Variants in ZNF280D observed in about 807,000 individuals in gnomAD.
ZNF280D encodes the protein suppressor of hairy wing homolog 4.
In ZNF280D, 39 loss-of-function variants were observed where a neutral mutation model predicts 94.7. The ratio of observed to expected loss-of-function variants is 0.41; its 90% CI spans 0.32 to 0.54. The LOEUF is 0.54. Ranked by LOEUF, ZNF280D falls within the 20% of genes least tolerant of loss-of-function variation. ZNF280D has a pLI of 0.22. For synonymous variants in ZNF280D, 398 were observed against 377.6 expected (o/e 1.05, Z -0.63); for missense variants, 1,090 against 1,149.3 (o/e 0.95, Z 0.75).
chr15:56,667,639 T>C (rs1483703110), intron 14 of ZNF280D, among the ~76,000 whole-genome samples: 1 of 152,214 alleles, frequency 6.6e-6, no homozygotes, highest in African/African-American at 2.4e-5. Context: ...ACCAACATTC[T>C]GGTTAATCAT....
intron 3 of ZNF280D, among the ~76,000 whole-genome samples, chr15:56,706,171 GA>G (rs1256093655): frequency 5.0e-5 from 7 of 139,020 alleles, no homozygotes; most frequent in African/African-American, 1.9e-4. Flanking sequence ...GAGATCACAG[GA>G]AGATGTAAGG....
chr15:56,702,584 C>A (rs1321023572), intron 4 of ZNF280D, among the ~76,000 whole-genome samples: 1 of 152,082 alleles, frequency 6.6e-6, no homozygotes, highest in African/African-American at 2.4e-5. Flanking sequence ...TCTTAACTGT[C>A]ATGTTTTCAA....
At chr15:56,658,570 GTTTCTAGTTTGTAATAAAAGA>G (rs2053702497) in intron 16 of ZNF280D, 84 bp from the exon 17 acceptor site, 1 of 920,294 alleles carries the variant, frequency 1.1e-6, no homozygotes, top group Admixed American at 3.3e-5. Context: ...CCATACTTAA[GTTTCTAGTTTGTAATAAAAGA>G]TTATAATGTA....
chr15:56,693,234 G>GA lies in ZNF280D; in HGVS notation c.382-20dup, dbSNP rs779633974. ...TATAACCCTGTTAAATAGTTCAAAG[G>GA]AAAAATAATACATTTATTCAACAGT... On this transcript the variant is annotated intron_variant, in intron 6 of 21. Coordinates refer to ENST00000267807, the MANE Select transcript of ZNF280D (RefSeq NM_017661.4). The GA allele has an allele frequency of 9.1e-7, 1 of 1,099,678 alleles. No individual in the cohort carries two copies. 68.1% of individuals were successfully genotyped at this position (1,099,678 alleles called of 1,614,324 possible). A position where few individuals can be genotyped will look rare whatever the true frequency, so the allele number is the denominator to read the frequency against.
intron 5 of ZNF280D, 29 bp from the exon 6 acceptor site, chr15:56,701,101 A>G (rs766933831): frequency 6.2e-7 from 1 of 1,612,718 alleles, no homozygotes; most frequent in Non-Finnish European, 8.5e-7. Flanking sequence ...CAATATATGG[A>G]AATTATTTGT....
chr15:56,654,942 A>G, intron 17 of ZNF280D: 1 of 356,822 alleles, frequency 2.8e-6, no homozygotes, highest in Non-Finnish European at 5.8e-6. Flanking sequence ...GGTGAACAAG[A>G]AATAGTACTG....
At chr15:56,715,326 G>C (rs1489831588) in intron 1 of ZNF280D, among the ~76,000 whole-genome samples, 1 of 152,062 alleles carries the variant, frequency 6.6e-6, no homozygotes, top group Non-Finnish European at 1.5e-5. Context: ...CAAACATACA[G>C]TGTATATAAA....
At chr15:56,644,413 T>G (rs1393947621) in intron 19 of ZNF280D, among the ~76,000 whole-genome samples, 1 of 152,012 alleles carries the variant, frequency 6.6e-6, no homozygotes, top group African/African-American at 2.4e-5. Context: ...TAAGAAAACA[T>G]GAAACATTAG....
At chr15:56,680,064 C>G (rs2055516008) in intron 10 of ZNF280D, among the ~76,000 whole-genome samples, 1 of 152,172 alleles carries the variant, frequency 6.6e-6, no homozygotes. Context: ...TCATACTTCT[C>G]AAACCAATAG....
intron 19 of ZNF280D, chr15:56,653,641 A>T: frequency 7.0e-7 from 1 of 1,420,052 alleles, no homozygotes; most frequent in Non-Finnish European, 9.2e-7. Flanking sequence ...ACAACGAATG[A>T]GAAAAAGACA....
At chr15:56,729,624 A>AT (rs1217811610) in intron 1 of ZNF280D, 18 of 152,334 alleles carry the variant, frequency 1.2e-4, no homozygotes, top group African/African-American at 3.4e-4. Flanking sequence ...CTTATGACTG[A>AT]TATTAGTTCA....
intron 1 of ZNF280D, among the ~76,000 whole-genome samples, chr15:56,718,977 C>A (rs1424213796): frequency 6.6e-6 from 1 of 152,180 alleles, no homozygotes; most frequent in African/African-American, 2.4e-5. Flanking sequence ...TCCTTTTTAA[C>A]TCTTTAGAGA....
chr15:56,635,453 AG>A (rs1273367640), intron 20 of ZNF280D: 1 of 177,492 alleles, frequency 5.6e-6, no homozygotes, highest in African/African-American at 2.4e-5. Context: ...AACCTATAAA[AG>A]TTTCAGTGTA....
At chr15:56,705,149 A>G (rs2057330492) in intron 3 of ZNF280D, among the ~76,000 whole-genome samples, 1 of 152,102 alleles carries the variant, frequency 6.6e-6, no homozygotes, top group Admixed American at 6.6e-5. Context: ...CCATCTACCA[A>G]AAAAAAGGCC....
Position 56,633,810 on chromosome 15 carries a change from G to A in ZNF280D, c.2315+1385C>T, listed in dbSNP as rs374166557. On this transcript the variant is annotated intron_variant, in intron 21 of 21. Transcript: ENST00000267807. ...AGCCAAAAACCTAGTATGTTATCCA[G>A]CAAGAAAGGAATGATTAAATACATT... Among the ~76,000 whole-genome samples the A allele has an allele frequency of 3.2e-4, 48 of 152,054 alleles. No homozygotes were observed. In the South Asian group the frequency reaches 8.1e-3, roughly 26 times the overall value.
At chr15:56,633,683 G>C (rs1465177013) in intron 21 of ZNF280D, among the ~76,000 whole-genome samples, 1 of 151,764 alleles carries the variant, frequency 6.6e-6, no homozygotes, top group Non-Finnish European at 1.5e-5. Flanking sequence ...TAGAGACGGG[G>C]TTTCACCATG....
At chr15:56,654,671 T>C (rs1249517840) in intron 17 of ZNF280D, 168 bp from the exon 18 acceptor site, 7 of 657,664 alleles carry the variant, frequency 1.1e-5, no homozygotes, top group Non-Finnish European at 1.1e-5. Flanking sequence ...GTAAATGACA[T>C]AGCCATGTCC....
At chr15:56,707,647 T>C (rs1225956037) in intron 1 of ZNF280D, among the ~76,000 whole-genome samples, 1 of 152,182 alleles carries the variant, frequency 6.6e-6, no homozygotes, top group Non-Finnish European at 1.5e-5. Flanking sequence ...TTATCTTTTC[T>C]TTGTATTTCA....
chr15:56,663,225 A>G (rs1395068887), intron 16 of ZNF280D, among the ~76,000 whole-genome samples: 1 of 140,518 alleles, frequency 7.1e-6, no homozygotes, highest in East Asian at 2.3e-4. Flanking sequence ...TTGAGGCTGT[A>G]GTGAACTGTG....
Sources: allele counts gnomAD v4.1 joint callset (sites outside exome capture counted in the v4.1 genomes callset), GRCh38; gene constraint gnomAD v4.1.1; transcripts MANE v1.5; gene names NCBI Gene and HGNC (gene_info 2026-07-23, HGNC 2026-07-21).